HSPG2: variants seen among roughly 807,000 people sequenced by gnomAD.
HSPG2 encodes basement membrane-specific heparan sulfate proteoglycan core protein.
A neutral mutation model predicts 526.6 loss-of-function variants in HSPG2; 278 were observed. The observed-to-expected ratio is 0.53, with a 90% CI of 0.48 to 0.58. HSPG2 has a LOEUF of 0.58. Among genes scored for constraint, HSPG2 ranks in the 20% least tolerant of loss-of-function variants. The probability of loss-of-function intolerance (pLI) is 0.00; values close to 1 mark genes in which losing one functional copy is unlikely to be tolerated. For missense variants in HSPG2, 5,354 were observed against 6,099.5 expected, an observed-to-expected ratio of 0.88 and a Z score of 4.07; for synonymous variants, 2,465 against 2,555.4, an observed-to-expected ratio of 0.96 and a Z score of 1.07.
At chr1:21,831,940 T>G (rs914185869) in intron 81 of HSPG2, 144 bp from the exon 82 acceptor site, 7 of 870,304 alleles carry the variant, frequency 8.0e-6, no homozygotes, top group African/African-American at 1.7e-5. Flanking sequence ...CCCGTTCCTG[T>G]CCCTGTCTTG....
In HSPG2 at chr1:21,834,874, C is replaced by G. The variant is rs143210045; in HGVS notation, c.10525G>C (p.Glu3509Gln). 8 of 1,613,728 alleles carry G rather than the reference C, an allele frequency of 5.0e-6. No individual in the cohort carries two copies. Among genetic ancestry groups the G allele is most frequent in the African/African-American group, 1.3e-5 (1 of 74,926 alleles). ...TVVVGHAVEF[E>Q]CLALGDPKPQ... ...TTGGGGTCACCCAGTGCCAGGCATT[C>G]GAACTCCACGGCGTGGCCAACCACC... The change falls in exon 77 of 97, where the codon GAA becomes CAA. Residue 3509 changes from glutamate to glutamine, a missense_variant. Physicochemically the swap from Glu to Gln is conservative, Grantham distance 29. Transcript: ENST00000374695.
intron 9 of HSPG2, among the ~76,000 whole-genome samples, chr1:21,885,958 G>C (rs1454182528): frequency 6.6e-6 from 1 of 152,244 alleles, no homozygotes; most frequent in Non-Finnish European, 1.5e-5. Flanking sequence ...ACAAGGGCTG[G>C]GCCCTGCTAG....
intron 63 of HSPG2, 43 bp downstream of exon 63, chr1:21,846,405 C>T (rs1217485202): frequency 1.2e-6 from 2 of 1,612,350 alleles, no homozygotes; most frequent in Non-Finnish European, 1.7e-6. Context: ...GCCAGGGCCC[C>T]CACATCCAGC....
At chr1:21,933,155 G>A (rs960976532) in intron 1 of HSPG2, among the ~76,000 whole-genome samples, 1 of 151,920 alleles carries the variant, frequency 6.6e-6, no homozygotes, top group African/African-American at 2.4e-5. Flanking sequence ...GGGAGGTTGA[G>A]GCAGCGGTGA....
chr1:21,930,761 A>C (rs1644326472), intron 1 of HSPG2, among the ~76,000 whole-genome samples: 1 of 151,954 alleles, frequency 6.6e-6, no homozygotes, highest in Admixed American at 6.6e-5. Context: ...GTAACAGATC[A>C]AGACTCCATC....
At chr1:21,862,185 T>C (rs557515977) in intron 37 of HSPG2, 70 bp from the exon 38 acceptor site, 1 of 1,554,092 alleles carries the variant, frequency 6.4e-7, no homozygotes, top group Non-Finnish European at 8.8e-7. Context: ...AGGGTTGCAA[T>C]CCCTTGATCT....
chr1:21,839,441 C>G lies in HSPG2; in HGVS notation c.9819G>C (p.Ser3273=). Residue 3273 remains serine (S), a synonymous_variant, in exon 73 of 97, where the codon TCG becomes TCC. Coordinates refer to ENST00000374695, the MANE Select transcript of HSPG2 (RefSeq NM_005529.7). The surrounding 1 kb of genome is among the most constrained non-coding windows in gnomAD (Gnocchi z 4.5). ...LIIPRVAQQD[S]GQYICNATSP... is the part of the protein sequence containing the mutation. ...TAGTGGCATTGCAGATGTACTGGCC[C>G]GAGTCCTGCTGGGCTACCCGGGGTA... The G allele has an allele frequency of 6.2e-7, 1 of 1,614,028 alleles. No homozygotes were observed. The highest frequency in any genetic ancestry group is 1.1e-5 in the South Asian group (1 of 91,076).
intron 1 of HSPG2, among the ~76,000 whole-genome samples, chr1:21,909,314 T>TCAGGCAGGG (rs781456929): frequency 2.6e-5 from 4 of 151,906 alleles, no homozygotes; most frequent in Non-Finnish European, 4.4e-5. Flanking sequence ...TAAGAAAAAC[T>TCAGGCAGGG]CAGGCAGGGC....
intron 33 of HSPG2, among the ~76,000 whole-genome samples, chr1:21,866,988 A>G (rs1178402935): frequency 6.6e-6 from 1 of 152,126 alleles, no homozygotes; most frequent in Non-Finnish European, 1.5e-5. Flanking sequence ...CAGAAAGTTC[A>G]CAGCCATTTC....
chr1:21,833,303 T>C lies in HSPG2; in HGVS notation c.11060A>G (p.Glu3687Gly). The part of the protein sequence containing the change: ...PTIKDAYRKF[E>G]IKITFRPDSA... ...GTCGGGCCGGAAGGTGATCTTGATC[T>C]CGAACTTCCTGTAGGCATCCTTGAT... The change falls in exon 80 of 97, where the codon GAG (glutamate) becomes GGG (glycine). Residue 3687 changes from glutamate to glycine, a missense_variant. Transcript: ENST00000374695. 6.2e-7 allele frequency: 1 copy of C among 1,614,116 alleles called. No homozygotes were observed. The highest frequency in any genetic ancestry group is 8.5e-7 in the Non-Finnish European group (1 of 1,180,022).
chr1:21,853,751 AAAAATAAAATAAAATAAAAT>A (rs60801691), intron 50 of HSPG2: 9,481 of 148,336 alleles, frequency 0.064, 701 homozygotes, highest in South Asian at 0.22. Flanking sequence ...TCTCTCTCAA[AAAAATAAAATAAAATAAAAT>A]AAAATAAAAT....
intron 1 of HSPG2, chr1:21,908,376 T>G: frequency 9.3e-7 from 1 of 1,076,558 alleles, no homozygotes; most frequent in Non-Finnish European, 1.4e-6. Context: ...ATGTGCGTAT[T>G]GAGCACATTA....
Position 21,852,930 on chromosome 1 carries a change from C to A in HSPG2, c.6580G>T (p.Ala2194Ser). The change falls in exon 51 of 97, where the codon GCC becomes TCC. Residue 2194 changes from alanine to serine, a missense_variant. Transcript: ENST00000374695. ...GGGGGCTGCCATACCTGGTGCCGGGCAGGGAGGCTGCCCCCACGCTTGTGC... is the reference window on the plus strand; with the variant it reads ...GGGGGCTGCCATACCTGGTGCCGGGAAGGGAGGCTGCCCCCACGCTTGTGC... ...TWHKRGGSLPARHQTHGSLLR... is the reference protein window; with the variant it reads ...TWHKRGGSLPSRHQTHGSLLR... 1 of 1,613,094 alleles carries A rather than the reference C, an allele frequency of 6.2e-7. No individual in the cohort carries two copies. The highest frequency in any genetic ancestry group is 1.1e-5 in the South Asian group (1 of 91,026).
At position 21,823,263 on chromosome 1, in the gene HSPG2, G is replaced by A; in HGVS notation, c.*53C>T. ...TAATAATATTAATAATAATATACTC[G>A]ACATTGTCGGGCTGGGGCGTGGCCC... On this transcript the variant is annotated 3_prime_UTR_variant, in exon 97 of 97. Transcript: ENST00000374695. 4.3e-6 allele frequency: 6 copies of A among 1,388,930 alleles called. No individual in the cohort carries two copies. The highest frequency in any genetic ancestry group is 2.8e-5 in the Admixed American group (1 of 36,148). 86.0% of individuals were successfully genotyped at this position (1,388,930 alleles called of 1,614,324 possible).
intron 42 of HSPG2, 21 bp from the exon 43 acceptor site, chr1:21,857,406 CCT>C (rs1639426417): frequency 6.2e-7 from 1 of 1,609,112 alleles, no homozygotes; most frequent in Non-Finnish European, 8.5e-7. Context: ...GGGAAGCCCC[CCT>C]GTGAGCCGGT....
Position 21,874,020 on chromosome 1 carries a change from G to A in HSPG2, c.3657-9C>T, listed in dbSNP as rs1393954258. ...AACAAGTGTGGGCAGCCCTGAGTGT[G>A]GGGGCAGATTTCTAGTCAGGAACGC... On this transcript the variant is annotated splice_polypyrimidine_tract_variant and intron_variant, in intron 28 of 96. Transcript: ENST00000374695. The A allele has an allele frequency of 6.3e-7, 1 of 1,593,984 alleles. No individual in the cohort carries two copies. The highest frequency in any genetic ancestry group is 8.6e-7 in the Non-Finnish European group (1 of 1,169,244).
chr1:21,850,205 G>A lies in HSPG2; in HGVS notation c.7295-13C>T. On this transcript the variant is annotated splice_polypyrimidine_tract_variant and intron_variant, in intron 56 of 96. Transcript: ENST00000374695. ...GTGACCCCAAGTGCTGGGGACAGAG[G>A]GCAAAGGGTCAATAGCCGGCTAGGA... 6.2e-7 allele frequency: 1 copy of A among 1,613,338 alleles called. No homozygotes were observed. Among genetic ancestry groups the A allele is most frequent in the Non-Finnish European group, 8.5e-7 (1 of 1,180,042 alleles).
chr1:21,888,828 TGA>T, intron 6 of HSPG2: 1 of 709,138 alleles, frequency 1.4e-6, no homozygotes, highest in Non-Finnish European at 2.0e-6. Flanking sequence ...TATTGAAAAG[TGA>T]GAGAGGAGGG....
chr1:21,838,993 G>A lies in HSPG2; in HGVS notation c.9982C>T (p.Leu3328Phe). 3.1e-6 allele frequency: 5 copies of A among 1,611,550 alleles called. No individual in the cohort carries two copies. The highest frequency in any genetic ancestry group is 1.3e-5 in the African/African-American group (1 of 75,022). Reference protein sequence around the residue: ...LQCLAHGTPPLTFQWSRVGSS... With the variant: ...LQCLAHGTPPFTFQWSRVGSS... ...CCCACGCGGCTCCACTGGAAGGTGA[G>A]TGGGGGTGTCCCGTGAGCCAGGCAC... is the stretch of plus-strand genomic sequence containing the variant. Residue 3328 changes from leucine (L) to phenylalanine (F), a missense_variant, in exon 74 of 97, where the codon CTC (leucine) becomes TTC (phenylalanine). Transcript: ENST00000374695.
Sources: allele counts gnomAD v4.1 joint callset (sites outside exome capture counted in the v4.1 genomes callset), GRCh38; gene constraint gnomAD v4.1.1; non-coding constraint Gnocchi (gnomAD v3.1); transcripts MANE v1.5; gene names NCBI Gene and HGNC (gene_info 2026-07-23, HGNC 2026-07-21).